DNM1L: variants seen among roughly 807,000 people sequenced by gnomAD.
The protein encoded by DNM1L is dynamin-1-like protein.
A neutral mutation model predicts 92.8 loss-of-function variants in DNM1L; 33 were observed. The ratio of observed to expected loss-of-function variants is 0.36; its 90% confidence interval spans 0.27 to 0.48. The LOEUF is 0.48. Ranked by LOEUF, DNM1L falls within the 20% of genes least tolerant of loss-of-function variation. The pLI is 0.99. For missense variants in DNM1L, 485 were observed against 888.8 expected (o/e 0.55, Z 5.78); for synonymous variants, 284 against 305.0 (o/e 0.93, Z 0.72).
At chr12:32,695,976 C>T (rs1166269381) in intron 1 of DNM1L, among the ~76,000 whole-genome samples, 1 of 151,862 alleles carries the variant, frequency 6.6e-6, no homozygotes, top group Non-Finnish European at 1.5e-5. Flanking sequence ...TAAAGAAAAT[C>T]CAACATATGT....
Position 32,731,749 on chromosome 12 carries a change from G to A in DNM1L, c.1357-105G>A. The A allele has an allele frequency of 2.9e-6, 3 of 1,045,226 alleles. No individual in the cohort carries two copies. In the South Asian group the frequency reaches 4.0e-5, roughly 14 times the overall value. 64.7% of individuals were successfully genotyped at this position (1,045,226 alleles called of 1,614,324 possible). On this transcript the variant is annotated intron_variant, in intron 11 of 19. Transcript: ENST00000549701. This position sits in a 1 kb window ranked among gnomAD's most constrained non-coding sequence, Gnocchi z 5.1. ...CCTGGCATGGTGGCTTCTACATGTA[G>A]TCTCAGCTACTTGGGAGGCTAAGGT...
At chr12:32,682,888 G>A (rs571619700) in intron 1 of DNM1L, among the ~76,000 whole-genome samples, 1 of 152,282 alleles carries the variant, frequency 6.6e-6, no homozygotes, top group South Asian at 2.1e-4. Context: ...GACCATCTGT[G>A]TGAAATGAAC....
intron 9 of DNM1L, chr12:32,727,082 TTCA>T (rs1236612234): frequency 1.4e-6 from 1 of 724,440 alleles, no homozygotes; most frequent in African/African-American, 1.8e-5. Flanking sequence ...CTTCTTTTTC[TTCA>T]TCGTTTTTCT....
intron 1 of DNM1L, 139 bp from the exon 2 acceptor site, chr12:32,701,276 C>CAA (rs373760863): frequency 6.8e-3 from 4,046 of 592,470 alleles, no homozygotes; most frequent in South Asian, 0.011. Context: ...AACTCCGTCT[C>CAA]AAAAAAAAAA....
intron 1 of DNM1L, among the ~76,000 whole-genome samples, chr12:32,680,401 C>T (rs1951762662): frequency 6.6e-6 from 1 of 152,102 alleles, no homozygotes; most frequent in Admixed American, 6.5e-5. Flanking sequence ...AGCGGTTTCC[C>T]CATCATTTTC....
At chr12:32,730,589 A>G (rs1954491630) in intron 9 of DNM1L, among the ~76,000 whole-genome samples, 1 of 151,900 alleles carries the variant, frequency 6.6e-6, no homozygotes, top group Non-Finnish European at 1.5e-5. Flanking sequence ...GAGTAGTTGC[A>G]GCAGAGACTG....
At chr12:32,734,959 T>C (rs1186989809) in intron 13 of DNM1L, among the ~76,000 whole-genome samples, 2 of 152,178 alleles carry the variant, frequency 1.3e-5, no homozygotes, top group Non-Finnish European at 2.9e-5. Context: ...ATTCCTGTTA[T>C]CAGAAAAAAT....
chr12:32,739,436 C>T (rs1334259793), intron 16 of DNM1L, among the ~76,000 whole-genome samples: 1 of 152,148 alleles, frequency 6.6e-6, no homozygotes, highest in Non-Finnish European at 1.5e-5. Context: ...CTTAAGAGTA[C>T]AGAGGTTGAG....
intron 2 of DNM1L, among the ~76,000 whole-genome samples, chr12:32,704,372 A>G (rs941525499): frequency 6.6e-6 from 1 of 152,088 alleles, no homozygotes; most frequent in African/African-American, 2.4e-5. Flanking sequence ...CAACGTGGTG[A>G]AACCCCATCT....
intron 18 of DNM1L, among the ~76,000 whole-genome samples, chr12:32,741,869 A>G (rs1955320693): frequency 1.3e-5 from 2 of 152,064 alleles, no homozygotes; most frequent in Admixed American, 1.3e-4. Context: ...GTGTAAGTAC[A>G]CTCTGTGCTG....
At position 32,707,346 on chromosome 12, in the gene DNM1L, A is replaced by G; in HGVS notation, c.251-21A>G. On this transcript the variant is annotated intron_variant, in intron 2 of 19. Transcript: ENST00000549701. ...AAGTAGTTTCCATAGTTTCCAATAA[A>G]TGAGTTTTTCTTTTTTCCAGGGGTG... 1.3e-6 allele frequency: 2 copies of G among 1,599,666 alleles called. 1 individual carries two copies. Among genetic ancestry groups the G allele is most frequent in the South Asian group, 2.3e-5 (2 of 88,528 alleles).
At chr12:32,732,038 A>G in intron 12 of DNM1L, 95 bp downstream of exon 12, 1 of 880,814 alleles carries the variant, frequency 1.1e-6, no homozygotes, top group Non-Finnish European at 1.9e-6. Flanking sequence ...TGGTTACTTT[A>G]GAGTGTAGGC....
chr12:32,704,019 T>C (rs545115215), intron 2 of DNM1L, among the ~76,000 whole-genome samples: 1 of 152,236 alleles, frequency 6.6e-6, no homozygotes, highest in African/African-American at 2.4e-5. Flanking sequence ...GTGGTTCAGT[T>C]TGAACAGAAC....
At position 32,710,089 on chromosome 12, in the gene DNM1L, A is replaced by T. The variant is rs191097104; in HGVS notation, c.370-840A>T. Among the ~76,000 whole-genome samples the T allele has an allele frequency of 4.1e-3, 623 of 152,312 alleles. 6 individuals carry two copies. Among genetic ancestry groups the T allele is most frequent in the African/African-American group, 0.014 (592 of 41,570 alleles). On this transcript the variant is annotated intron_variant, in intron 4 of 19. Coordinates refer to ENST00000549701, the MANE Select transcript of DNM1L (RefSeq NM_012062.5). ...ATAAGTGTCTTTTTACATGTAGTTG[A>T]TTCAATCCTAATACTTGTAGAGGGC...
rs752940241 is a variant in DNM1L at position 32,743,333 on chromosome 12, AT to A, written c.2155-13del. 2.5e-6 allele frequency: 4 copies of A among 1,609,268 alleles called. No individual in the cohort carries two copies. The highest frequency in any genetic ancestry group is 1.3e-5 in the African/African-American group (1 of 74,746). ...CATAACTTTATAATAAGCATTTAAA[AT>A]TTTTTTTCCTTTAATGCAGGCATTA... On this transcript the variant is annotated intron_variant, in intron 19 of 19. Transcript: ENST00000549701.
chr12:32,679,685 G>C (rs1951729242), intron 1 of DNM1L: 1 of 1,251,198 alleles, frequency 8.0e-7, no homozygotes, highest in Non-Finnish European at 1.0e-6. Flanking sequence ...GGCCCGGCCA[G>C]GGGCGGAGCC....
In DNM1L at chr12:32,732,279, C is replaced by A. The variant is rs56282590; in HGVS notation, c.1446+336C>A. On this transcript the variant is annotated intron_variant, in intron 12 of 19. Coordinates refer to ENST00000549701, the MANE Select transcript of DNM1L (RefSeq NM_012062.5). ...AAGAGAAAATTAGTTCCATCTTTAGCCTCAGTAAACTGAGCATTTATAGCA... is the reference window on the plus strand; with the variant it reads ...AAGAGAAAATTAGTTCCATCTTTAGACTCAGTAAACTGAGCATTTATAGCA... Among the ~76,000 whole-genome samples the A allele has an allele frequency of 7.3e-3, 1,105 of 152,248 alleles. 5 individuals are homozygous for A. Among genetic ancestry groups the A allele is most frequent in the Non-Finnish European group, 0.013 (856 of 68,008 alleles).
chr12:32,707,809 C>T (rs758977836), intron 3 of DNM1L, among the ~76,000 whole-genome samples: 56 of 151,894 alleles, frequency 3.7e-4, no homozygotes, highest in East Asian at 7.7e-4. Context: ...AAATTAGCCC[C>T]GCGTGGTGGC....
chr12:32,717,120 TTA>T (rs202143134), intron 6 of DNM1L, among the ~76,000 whole-genome samples: 18,279 of 125,886 alleles, frequency 0.15, 1,500 homozygotes, highest in African/African-American at 0.2. Context: ...TATATATATT[TTA>T]TATATATACC....
Sources: gnomAD v4.1 joint callset for allele counts (sites outside exome capture counted in the v4.1 genomes callset) on GRCh38, gnomAD v4.1.1 for gene constraint, Gnocchi (gnomAD v3.1) non-coding constraint, MANE v1.5 for transcripts, NCBI Gene and HGNC (gene_info 2026-07-23, HGNC 2026-07-21) for gene names.